Variants in HIVEP2 observed in about 807,000 individuals in gnomAD.
HIVEP2 encodes HIVEP zinc finger 2, also known as transcription factor HIVEP2.
Under a neutral mutation model 180.7 loss-of-function variants are expected in HIVEP2, and 14 were observed. That is an observed-to-expected ratio of 0.08 (90% CI 0.05 to 0.12). The LOEUF (loss-of-function observed/expected upper bound fraction) is 0.12. Ranked by LOEUF, HIVEP2 falls within the 10% of genes least tolerant of loss-of-function variation. The pLI is 1.00. For missense variants in HIVEP2, 2,579 were observed against 3,008.5 expected (o/e 0.86, Z 3.34); for synonymous variants, 1,184 against 1,136.4 (o/e 1.04, Z -0.84).
At chr6:142,857,889 G>A (rs544342286) in intron 1 of HIVEP2, among the ~76,000 whole-genome samples, 1 of 152,182 alleles carries the variant, frequency 6.6e-6, no homozygotes, top group Non-Finnish European at 1.5e-5. Context: ...TGTCTAGGAG[G>A]GGCTGGGGTC....
intron 1 of HIVEP2, among the ~76,000 whole-genome samples, chr6:142,878,620 A>C (rs1232794617): frequency 6.6e-6 from 1 of 152,196 alleles, no homozygotes; most frequent in Non-Finnish European, 1.5e-5. Flanking sequence ...GGATGACATC[A>C]GGGAAGTACA....
At position 142,886,314 on chromosome 6, in the gene HIVEP2, T is replaced by G. The variant is rs192643292; in HGVS notation, c.-640-49267A>C. 3.5e-3 allele frequency among the ~76,000 whole-genome samples: 528 copies of G among 152,302 alleles called. 4 individuals are homozygous for G. The highest frequency in any genetic ancestry group is 6.0e-3 in the Non-Finnish European group (409 of 68,016). On this transcript the variant is annotated intron_variant, in intron 1 of 9. Coordinates refer to ENST00000367603, the MANE Select transcript of HIVEP2 (RefSeq NM_006734.4). Reference sequence around the variant, plus strand: ...AAGACAAATTCTGGTTTTTTTAAATTTTATGAGGAGGGAAATAACTTTTTA... The same window carrying G: ...AAGACAAATTCTGGTTTTTTTAAATGTTATGAGGAGGGAAATAACTTTTTA...
At chr6:142,909,359 T>C (rs1344591523) in intron 1 of HIVEP2, among the ~76,000 whole-genome samples, 1 of 152,206 alleles carries the variant, frequency 6.6e-6, no homozygotes, top group East Asian at 1.9e-4. Flanking sequence ...TGGTATAGTA[T>C]ACATTGGCAG....
intron 3 of HIVEP2, among the ~76,000 whole-genome samples, chr6:142,779,884 A>G (rs778496400): frequency 6.6e-6 from 1 of 152,206 alleles, no homozygotes; most frequent in Non-Finnish European, 1.5e-5. Flanking sequence ...GCTACCAGAG[A>G]ATACACCAGA....
chr6:142,844,158 C>T (rs1688235477), intron 1 of HIVEP2, among the ~76,000 whole-genome samples: 1 of 152,014 alleles, frequency 6.6e-6, no homozygotes, highest in East Asian at 1.9e-4. Flanking sequence ...TGAATTATAC[C>T]TTATGTGTTT....
At chr6:142,885,648 A>ATT (rs1776678305) in intron 1 of HIVEP2, among the ~76,000 whole-genome samples, 1 of 152,188 alleles carries the variant, frequency 6.6e-6, no homozygotes, top group South Asian at 2.1e-4. Context: ...ATTATTCAAC[A>ATT]GCCTACATTT....
intron 1 of HIVEP2, among the ~76,000 whole-genome samples, chr6:142,898,889 C>T (rs1777062590): frequency 6.6e-6 from 1 of 152,188 alleles, no homozygotes; most frequent in African/African-American, 2.4e-5. Flanking sequence ...CTAAATATCG[C>T]AGCATTAATT....
intron 1 of HIVEP2, among the ~76,000 whole-genome samples, chr6:142,847,256 G>C (rs1334265051): frequency 2.0e-5 from 3 of 152,126 alleles, no homozygotes; most frequent in Non-Finnish European, 4.4e-5. Context: ...ATAAAACATA[G>C]AGCTATTTTC....
chr6:142,761,623 T>G, intron 7 of HIVEP2, 58 bp from the exon 8 acceptor site: 1 of 896,026 alleles, frequency 1.1e-6, no homozygotes, highest in Non-Finnish European at 1.9e-6. Flanking sequence ...TAATAACTGC[T>G]GATAGCTGCT....
chr6:142,828,213 C>T (rs1774966199), intron 2 of HIVEP2, among the ~76,000 whole-genome samples: 1 of 152,212 alleles, frequency 6.6e-6, no homozygotes, highest in African/African-American at 2.4e-5. Context: ...CTCCTCCTCC[C>T]TTAGCTTCCT....
rs563107244 is a variant in HIVEP2, at chr6:142,910,539, T to C, written c.-641+34560A>G. On this transcript the variant is annotated intron_variant, in intron 1 of 9. Coordinates refer to ENST00000367603, the MANE Select transcript of HIVEP2 (RefSeq NM_006734.4). ...ATTGTTTGAACCCGGCAGGCAGAGG[T>C]TGCAGTGAGCCAAGATTGTGCCACT... Among the ~76,000 whole-genome samples the C allele has an allele frequency of 2.6e-5, 4 of 151,816 alleles. No homozygotes were observed. The East Asian group carries it at 7.8e-4, about 29-fold the overall frequency.
At position 142,816,873 on chromosome 6, in the gene HIVEP2, G is replaced by GGTGTGTGT. The variant is rs34958624; in HGVS notation, c.-528+20054_-528+20061dup. Among the ~76,000 whole-genome samples, 279 of 148,566 alleles carry GGTGTGTGT rather than the reference G, an allele frequency of 1.9e-3. 2 individuals are homozygous for GGTGTGTGT. The highest frequency in any genetic ancestry group is 6.7e-3 in the African/African-American group (271 of 40,580). On this transcript the variant is annotated intron_variant, in intron 2 of 9. Coordinates refer to ENST00000367603, the MANE Select transcript of HIVEP2 (RefSeq NM_006734.4). ...AAAAATGTTTGTAATAGCACCAGAG[G>GGTGTGTGT]GTGTGTGTGTGTGTGTGTGTGTGTG...
chr6:142,793,663 C>CTTTCTTT (rs1554279280), intron 2 of HIVEP2, among the ~76,000 whole-genome samples: 1 of 109,476 alleles, frequency 9.1e-6, no homozygotes, highest in African/African-American at 3.5e-5. Context: ...TTTCTTTTTT[C>CTTTCTTT]TTTCTTTCTT....
intron 1 of HIVEP2, among the ~76,000 whole-genome samples, chr6:142,868,948 A>C (rs1304714914): frequency 1.3e-5 from 2 of 152,208 alleles, no homozygotes; most frequent in Non-Finnish European, 2.9e-5. Context: ...AATTTGTAGA[A>C]TAATGTAGAT....
At chr6:142,879,832 T>TAAAACAGGGAAA (rs1372804561) in intron 1 of HIVEP2, among the ~76,000 whole-genome samples, 1 of 152,110 alleles carries the variant, frequency 6.6e-6, no homozygotes, top group Non-Finnish European at 1.5e-5. Context: ...CAGGCTGCGT[T>TAAAACAGGGAAA]CTGTTTCCCT....
chr6:142,845,921 C>A (rs1018812724), intron 1 of HIVEP2, among the ~76,000 whole-genome samples: 1 of 152,262 alleles, frequency 6.6e-6, no homozygotes, highest in African/African-American at 2.4e-5. Flanking sequence ...CTGGGGACAG[C>A]CACTTGTGGC....
chr6:142,790,180 A>G (rs1455538100), intron 2 of HIVEP2, among the ~76,000 whole-genome samples: 1 of 152,214 alleles, frequency 6.6e-6, no homozygotes, highest in Non-Finnish European at 1.5e-5. Flanking sequence ...CCCCTTGTTC[A>G]TAATACCAAA....
At chr6:142,776,815 G>A (rs1582849307) in intron 3 of HIVEP2, among the ~76,000 whole-genome samples, 1 of 152,120 alleles carries the variant, frequency 6.6e-6, no homozygotes, top group East Asian at 1.9e-4. Flanking sequence ...TTATAGGTGT[G>A]AGCCACCTCG....
chr6:142,914,073 A>G (rs537261332), intron 1 of HIVEP2, among the ~76,000 whole-genome samples: 1 of 152,042 alleles, frequency 6.6e-6, no homozygotes, highest in East Asian at 1.9e-4. Context: ...GGGCTCTGGC[A>G]GCAGCCCCTT....
Sources: allele counts gnomAD v4.1 joint callset (sites outside exome capture counted in the v4.1 genomes callset), GRCh38; gene constraint gnomAD v4.1.1; transcripts MANE v1.5; gene names NCBI Gene and HGNC (gene_info 2026-07-23, HGNC 2026-07-21).